Variants in CFDP1 observed in about 807,000 individuals in gnomAD.
The protein encoded by CFDP1 is chromatin remodeling protein CFDP1.
A neutral mutation model predicts 40.1 loss-of-function variants in CFDP1; 31 were observed. That is an observed-to-expected ratio of 0.77 (90% CI 0.58 to 1.04). CFDP1 has a LOEUF of 1.04. CFDP1 is among the 50% of genes least tolerant of loss of function. The pLI is 0.00. For synonymous variants in CFDP1, 167 were observed against 120.0 expected (o/e 1.39, Z -2.56); for missense variants, 423 against 343.4 (o/e 1.23, Z -1.83).
At chr16:75,334,237 C>CCCTAAG (rs2078469126) in intron 5 of CFDP1, among the ~76,000 whole-genome samples, 1 of 151,502 alleles carries the variant, frequency 6.6e-6, no homozygotes, top group South Asian at 2.1e-4. Context: ...CTAACCCTAA[C>CCCTAAG]CCTGCAGCTA....
intron 5 of CFDP1, among the ~76,000 whole-genome samples, chr16:75,366,649 AC>A (rs2078716069): frequency 6.6e-6 from 1 of 152,110 alleles, no homozygotes; most frequent in South Asian, 2.1e-4. Context: ...AAACAAAAAA[AC>A]CGTTATAGGG....
intron 6 of CFDP1, among the ~76,000 whole-genome samples, chr16:75,303,887 A>C (rs2078240362): frequency 6.6e-6 from 1 of 152,186 alleles, no homozygotes; most frequent in South Asian, 2.1e-4. Flanking sequence ...ACTGGTAAGA[A>C]GCAGAGCTGC....
intron 5 of CFDP1, chr16:75,381,397 G>C (rs2078850819): frequency 6.6e-6 from 1 of 152,152 alleles, no homozygotes; most frequent in Non-Finnish European, 1.5e-5. Flanking sequence ...AGGGGGATAT[G>C]AATGAATACT....
At chr16:75,383,972 T>C (rs1472133071) in intron 5 of CFDP1, among the ~76,000 whole-genome samples, 1 of 152,142 alleles carries the variant, frequency 6.6e-6, no homozygotes, top group Non-Finnish European at 1.5e-5. Context: ...CTACAGGTAA[T>C]ATGCAAACCT....
chr16:75,395,145 C>G lies in CFDP1; in HGVS notation c.595G>C (p.Glu199Gln). ...GAAGGAACATTAGCCTGTGGTTTTT[C>G]TTTCTCATTCTGCTTGAAGAAGGAT... The part of the protein sequence containing the change: ...AKSFFKQNEK[E>Q]KPQANVPSAL... The change falls in exon 5 of 7, where the codon GAA becomes CAA. Residue 199 changes from glutamate to glutamine, a missense_variant. Transcript: ENST00000283882. 6.2e-7 allele frequency: 1 copy of G among 1,613,470 alleles called. No individual in the cohort carries two copies. The highest frequency in any genetic ancestry group is 8.5e-7 in the Non-Finnish European group (1 of 1,179,704).
In CFDP1 at chr16:75,381,557, C is replaced by T. The variant is rs538282644; in HGVS notation, c.650+13533G>A. 5.9e-5 allele frequency among the ~76,000 whole-genome samples: 9 copies of T among 152,240 alleles called. No homozygotes were observed. The South Asian group carries it at 1.2e-3, about 21-fold the overall frequency. On this transcript the variant is annotated intron_variant, in intron 5 of 6. Coordinates refer to ENST00000283882, the MANE Select transcript of CFDP1 (RefSeq NM_006324.3). ...AAAATAGTGGTATATTCTCCCTCTACCAACGACAGGCAGTTTTGGCCCAGC... is the reference window on the plus strand; with the variant it reads ...AAAATAGTGGTATATTCTCCCTCTATCAACGACAGGCAGTTTTGGCCCAGC...
At chr16:75,294,070 T>A (rs1371439523) in intron 6 of CFDP1, 28 bp from the exon 7 acceptor site, 1 of 1,559,716 alleles carries the variant, frequency 6.4e-7, no homozygotes, top group Admixed American at 1.7e-5. Flanking sequence ...TGTTTGTCAG[T>A]AGAATCCAGT....
intron 4 of CFDP1, among the ~76,000 whole-genome samples, chr16:75,397,995 G>A (rs774257544): frequency 6.6e-6 from 1 of 152,166 alleles, no homozygotes; most frequent in Non-Finnish European, 1.5e-5. Context: ...GAGTCATAAG[G>A]AGAATACACC....
At chr16:75,384,632 T>C (rs1306673251) in intron 5 of CFDP1, among the ~76,000 whole-genome samples, 1 of 151,774 alleles carries the variant, frequency 6.6e-6, no homozygotes, top group South Asian at 2.1e-4. Context: ...TATGAGAACA[T>C]AAAAAACATA....
intron 5 of CFDP1, among the ~76,000 whole-genome samples, chr16:75,329,390 T>C (rs1381361434): frequency 6.6e-6 from 1 of 152,214 alleles, no homozygotes; most frequent in Non-Finnish European, 1.5e-5. Context: ...CAGGCAATTG[T>C]ACAGTACATT....
At chr16:75,384,809 T>G (rs1290917838) in intron 5 of CFDP1, among the ~76,000 whole-genome samples, 1 of 145,842 alleles carries the variant, frequency 6.9e-6, no homozygotes, top group Non-Finnish European at 1.5e-5. Flanking sequence ...ATGCCCAAGA[T>G]AGACTGTTAA....
chr16:75,379,135 G>A (rs892858308), intron 5 of CFDP1, among the ~76,000 whole-genome samples: 3 of 151,346 alleles, frequency 2.0e-5, no homozygotes, highest in African/African-American at 7.3e-5. Flanking sequence ...GTGTAAAGAG[G>A]AAAAGTCTCA....
intron 4 of CFDP1, among the ~76,000 whole-genome samples, chr16:75,404,514 C>G (rs992471100): frequency 2.6e-5 from 4 of 152,120 alleles, no homozygotes; most frequent in African/African-American, 9.7e-5. Flanking sequence ...AGCCACCGCG[C>G]CCGGCCGCAA....
chr16:75,336,140 AGTT>A (rs950250293), intron 5 of CFDP1, among the ~76,000 whole-genome samples: 1 of 152,166 alleles, frequency 6.6e-6, no homozygotes, highest in African/African-American at 2.4e-5. Flanking sequence ...TTAGGATTTT[AGTT>A]GTTATTAAGC....
intron 5 of CFDP1, among the ~76,000 whole-genome samples, chr16:75,353,519 T>A (rs1170517265): frequency 6.6e-6 from 1 of 152,062 alleles, no homozygotes; most frequent in Non-Finnish European, 1.5e-5. Flanking sequence ...TCCAGCACTT[T>A]GGGAGGCCGA....
chr16:75,327,045 C>T (rs547294518), intron 5 of CFDP1, among the ~76,000 whole-genome samples: 56 of 152,134 alleles, frequency 3.7e-4, no homozygotes, highest in African/African-American at 1.2e-3. Context: ...CCGAGGCGGG[C>T]GGATCATGAG....
chr16:75,311,437 T>C (rs2078291895), intron 5 of CFDP1, among the ~76,000 whole-genome samples: 1 of 152,158 alleles, frequency 6.6e-6, no homozygotes, highest in Non-Finnish European at 1.5e-5. Context: ...CTATGCCCAA[T>C]CTACTACATT....
At chr16:75,361,434 T>C (rs1027667046) in intron 5 of CFDP1, among the ~76,000 whole-genome samples, 4 of 152,052 alleles carry the variant, frequency 2.6e-5, no homozygotes, top group African/African-American at 7.2e-5. Context: ...CTAGACAACA[T>C]AGTGAATCCC....
chr16:75,309,819 C>CA (rs1156624164), intron 5 of CFDP1, among the ~76,000 whole-genome samples: 27,822 of 46,308 alleles, frequency 0.6, 10,334 homozygotes, highest in Admixed American at 0.71. Context: ...GACTCCATCT[C>CA]AAAAAAAAAA....
Sources: allele counts gnomAD v4.1 joint callset (sites outside exome capture counted in the v4.1 genomes callset), GRCh38; gene constraint gnomAD v4.1.1; transcripts MANE v1.5; gene names NCBI Gene and HGNC (gene_info 2026-07-23, HGNC 2026-07-21).